ARHGAP18: variants seen among roughly 807,000 people sequenced by gnomAD.
ARHGAP18 encodes Rho GTPase activating protein 18.
Under a neutral mutation model 86.2 loss-of-function variants are expected in ARHGAP18, and 67 were observed. The observed-to-expected ratio is 0.78, with a 90% CI of 0.64 to 0.95. The LOEUF (loss-of-function observed/expected upper bound fraction) is 0.95. Ranked by LOEUF, ARHGAP18 falls within the 40% of genes least tolerant of loss-of-function variation. The pLI is 0.00. For missense variants in ARHGAP18, 691 were observed against 780.4 expected, an observed-to-expected ratio of 0.89 and a Z score of 1.37; for synonymous variants, 283 against 280.4, an observed-to-expected ratio of 1.01 and a Z score of -0.09.
intron 1 of ARHGAP18, among the ~76,000 whole-genome samples, chr6:129,704,905 C>CA (rs1030139645): frequency 2.6e-4 from 39 of 152,334 alleles, no homozygotes; most frequent in African/African-American, 9.1e-4. Context: ...CTCCCTCCTC[C>CA]TTATCCTGAC....
intron 12 of ARHGAP18, among the ~76,000 whole-genome samples, chr6:129,592,999 A>T (rs773249239): frequency 3.5e-4 from 53 of 152,256 alleles, no homozygotes; most frequent in Non-Finnish European, 6.2e-4. Context: ...GTTTCATGAT[A>T]AAATTAAATA....
chr6:129,605,056 G>A (rs530093280), intron 10 of ARHGAP18, among the ~76,000 whole-genome samples: 1 of 151,902 alleles, frequency 6.6e-6, no homozygotes, highest in East Asian at 1.9e-4. Context: ...AAATGAAGAG[G>A]GTAAAGAAGC....
chr6:129,634,088 T>A lies in ARHGAP18; in HGVS notation c.570A>T (p.Glu190Asp). Residue 190 changes from glutamate (E) to aspartate (D), a missense_variant, in exon 4 of 15, where the codon GAA becomes GAT. Coordinates refer to ENST00000368149, the MANE Select transcript of ARHGAP18 (RefSeq NM_033515.3). ...TTTCATTTGTTCTAAGTGACTGCGA[T>A]TCAGTGCCACCTGGAGCCTAAACAT... is the stretch of plus-strand genomic sequence containing the variant. ...ESKETAPGGT[E>D]SQSLRTNENK... 3 of 1,613,542 alleles carry A rather than the reference T, an allele frequency of 1.9e-6. No homozygotes were observed. The highest frequency in any genetic ancestry group is 2.5e-6 in the Non-Finnish European group (3 of 1,179,878).
chr6:129,589,244 A>G (rs778999275), intron 12 of ARHGAP18, among the ~76,000 whole-genome samples: 1 of 152,182 alleles, frequency 6.6e-6, no homozygotes, highest in Non-Finnish European at 1.5e-5. Context: ...CAAATTTTCC[A>G]AACTTTTATG....
At chr6:129,676,732 C>T (rs1305970761) in intron 1 of ARHGAP18, among the ~76,000 whole-genome samples, 1 of 152,074 alleles carries the variant, frequency 6.6e-6, no homozygotes, top group African/African-American at 2.4e-5. Context: ...TAGACACGAG[C>T]TCCCCAACTA....
chr6:129,666,141 G>T (rs898002414), intron 1 of ARHGAP18, among the ~76,000 whole-genome samples: 1 of 152,068 alleles, frequency 6.6e-6, no homozygotes, highest in South Asian at 2.1e-4. Flanking sequence ...CTCAGATCAC[G>T]CCATGGACTG....
intron 1 of ARHGAP18, among the ~76,000 whole-genome samples, chr6:129,691,875 C>T (rs907801177): frequency 6.6e-6 from 1 of 152,202 alleles, no homozygotes; most frequent in Non-Finnish European, 1.5e-5. Flanking sequence ...CTGACATCCC[C>T]GTTCCTGCTC....
intron 12 of ARHGAP18, among the ~76,000 whole-genome samples, chr6:129,594,120 TA>T (rs986251680): frequency 5.9e-5 from 9 of 152,186 alleles, no homozygotes; most frequent in African/African-American, 2.2e-4. Flanking sequence ...CAAAGCCTCT[TA>T]AAAATATTAC....
At chr6:129,608,125 A>ATG in intron 8 of ARHGAP18, 73 bp from the exon 9 acceptor site, 1 of 1,450,764 alleles carries the variant, frequency 6.9e-7, no homozygotes, top group Non-Finnish European at 9.1e-7. Flanking sequence ...TGCTGAGAGT[A>ATG]TGACACATTT....
In ARHGAP18 at chr6:129,594,914, T is replaced by C. The variant is rs191947127; in HGVS notation, c.1713+4302A>G. 2.2e-4 allele frequency among the ~76,000 whole-genome samples: 34 copies of C among 152,234 alleles called. 1 individual carries two copies. Among genetic ancestry groups the C allele is most frequent in the African/African-American group, 8.2e-4 (34 of 41,550 alleles). On this transcript the variant is annotated intron_variant, in intron 12 of 14. Transcript: ENST00000368149. The stretch of plus-strand genomic sequence containing the variant: ...TGTATTACCACCCATAAGCCCAGAG[T>C]TTTGGTATATATCCTTCTTAGAGTC...
intron 1 of ARHGAP18, among the ~76,000 whole-genome samples, chr6:129,700,859 C>A (rs944332890): frequency 1.3e-5 from 2 of 152,136 alleles, no homozygotes; most frequent in Non-Finnish European, 2.9e-5. Flanking sequence ...TCAACCCAGG[C>A]AATCTAGCTC....
chr6:129,579,153 C>T (rs1482117396), intron 14 of ARHGAP18, among the ~76,000 whole-genome samples: 1 of 152,022 alleles, frequency 6.6e-6, no homozygotes, highest in East Asian at 1.9e-4. Context: ...TCCTTAAAAG[C>T]TTAATCATCT....
intron 4 of ARHGAP18, among the ~76,000 whole-genome samples, chr6:129,629,792 C>T (rs998712362): frequency 1.3e-5 from 2 of 152,048 alleles, no homozygotes; most frequent in South Asian, 4.1e-4. Context: ...AATTCCAAAA[C>T]ATTGCTGGAA....
At chr6:129,585,143 T>C (rs925409388) in intron 12 of ARHGAP18, among the ~76,000 whole-genome samples, 1 of 33,240 alleles carries the variant, frequency 3.0e-5, no homozygotes, top group Non-Finnish European at 5.5e-5. Flanking sequence ...ATACAAAAAT[T>C]AGCTGGGTGT....
chr6:129,626,698 C>T (rs1789482240), intron 5 of ARHGAP18, among the ~76,000 whole-genome samples: 1 of 140,692 alleles, frequency 7.1e-6, no homozygotes, highest in Admixed American at 7.1e-5. Flanking sequence ...CACACACACA[C>T]AGACAAATAG....
At chr6:129,663,191 G>A (rs1773985169) in intron 1 of ARHGAP18, among the ~76,000 whole-genome samples, 1 of 152,180 alleles carries the variant, frequency 6.6e-6, no homozygotes, top group Admixed American at 6.5e-5. Flanking sequence ...CACAAGCTGT[G>A]ACAGGGTTTA....
chr6:129,655,317 CAAAAAAAA>C (rs55681217), intron 1 of ARHGAP18, among the ~76,000 whole-genome samples: 54 of 75,088 alleles, frequency 7.2e-4, no homozygotes, highest in African/African-American at 1.7e-3. Context: ...AAAACTCTCT[CAAAAAAAA>C]AAAAAAAAAA....
At chr6:129,633,166 A>T (rs1773253643) in intron 4 of ARHGAP18, among the ~76,000 whole-genome samples, 1 of 151,548 alleles carries the variant, frequency 6.6e-6, no homozygotes, top group African/African-American at 2.4e-5. Context: ...GGTGGCTCAC[A>T]CCTGTAATCC....
intron 1 of ARHGAP18, among the ~76,000 whole-genome samples, chr6:129,651,938 T>C (rs1011748744): frequency 6.6e-6 from 1 of 152,192 alleles, no homozygotes; most frequent in African/African-American, 2.4e-5. Flanking sequence ...AGGCCCCAGA[T>C]GGCAGCCTCG....
Sources: allele counts gnomAD v4.1 joint callset (sites outside exome capture counted in the v4.1 genomes callset), GRCh38; gene constraint gnomAD v4.1.1; transcripts MANE v1.5; gene names NCBI Gene and HGNC (gene_info 2026-07-23, HGNC 2026-07-21).